Variants in PI4K2B observed in about 807,000 individuals in gnomAD.
PI4K2B encodes the protein phosphatidylinositol 4-kinase type 2-beta.
A neutral mutation model predicts 56.6 loss-of-function variants in PI4K2B; 46 were observed. The ratio of observed to expected loss-of-function variants is 0.81; its 90% CI spans 0.64 to 1.04. The LOEUF (loss-of-function observed/expected upper bound fraction) is 1.04. Among genes scored for constraint, PI4K2B ranks in the 50% least tolerant of loss-of-function variants. The pLI, the probability that PI4K2B is intolerant of heterozygous loss-of-function variation, is 0.00. For synonymous variants in PI4K2B, 211 were observed against 223.8 expected, an observed-to-expected ratio of 0.94 and a Z score of 0.51; for missense variants, 556 against 607.7, an observed-to-expected ratio of 0.91 and a Z score of 0.89.
intron 9 of PI4K2B, 122 bp from the exon 10 acceptor site, chr4:25,276,892 C>T: frequency 2.9e-6 from 4 of 1,372,208 alleles, no homozygotes; most frequent in Non-Finnish European, 3.8e-6. Context: ...CTTATCTTCA[C>T]AGTCTCTGTT....
Position 25,236,127 on chromosome 4 carries a change from A to G in PI4K2B, c.268+1696A>G, listed in dbSNP as rs186071344. ...GTATCACAGTTTACAATTTGCTAAG[A>G]TCTTTTTTAAAAAAATATTTTATTC... On this transcript the variant is annotated intron_variant, in intron 1 of 9. Coordinates refer to ENST00000264864, the MANE Select transcript of PI4K2B (RefSeq NM_018323.4). Among the ~76,000 whole-genome samples the G allele has an allele frequency of 2.9e-4, 44 of 152,106 alleles. No individual in the cohort carries two copies. In the East Asian group the frequency reaches 8.1e-3, roughly 28 times the overall value.
chr4:25,246,402 C>T (rs539716266), intron 1 of PI4K2B, among the ~76,000 whole-genome samples: 6 of 152,316 alleles, frequency 3.9e-5, no homozygotes, highest in Admixed American at 2.6e-4. Context: ...CACAAAAGTT[C>T]TCCATGTCCC....
chr4:25,242,227 G>A (rs1715555756), intron 1 of PI4K2B, among the ~76,000 whole-genome samples: 1 of 152,210 alleles, frequency 6.6e-6, no homozygotes, highest in Admixed American at 6.5e-5. Context: ...GAGATCTAGA[G>A]TAGCCTGCTG....
intron 1 of PI4K2B, among the ~76,000 whole-genome samples, chr4:25,246,970 C>G (rs1452735170): frequency 6.6e-6 from 1 of 152,252 alleles, no homozygotes; most frequent in East Asian, 1.9e-4. Context: ...GCGCCGCATG[C>G]AGCTCCAGTT....
rs61748741 is a variant in PI4K2B at position 25,259,045 on chromosome 4, C to T, written c.765C>T (p.Ser255=). 7.5e-3 allele frequency: 11,477 copies of T among 1,539,280 alleles called. 68 individuals are homozygous for T. The highest frequency in any genetic ancestry group is 8.9e-3 in the Non-Finnish European group (10,048 of 1,123,998). Residue 255 remains serine (S), a synonymous_variant, in exon 5 of 10, where the codon TCC becomes TCT. Coordinates refer to ENST00000264864, the MANE Select transcript of PI4K2B (RefSeq NM_018323.4). ...AGTTCTTAAAATTATAGATTGGTTC[C>T]TTTCAGTTATTTGTTGAAGGTTACA... ...HRIGLPPKIG[S]FQLFVEGYKE...
chr4:25,258,988 C>A, intron 4 of PI4K2B, 49 bp from the exon 5 acceptor site: 1 of 909,466 alleles, frequency 1.1e-6, no homozygotes, highest in Admixed American at 2.5e-5. Context: ...AAATATTAAT[C>A]CCCTTGTTCT....
intron 9 of PI4K2B, among the ~76,000 whole-genome samples, chr4:25,271,552 A>G (rs313533): frequency 0.085 from 12,957 of 152,258 alleles, 716 homozygotes; most frequent in South Asian, 0.19. Context: ...TAATTGAGGC[A>G]TCAATGGAAG....
intron 1 of PI4K2B, among the ~76,000 whole-genome samples, chr4:25,235,642 C>T (rs549186479): frequency 3.9e-5 from 6 of 152,334 alleles, no homozygotes; most frequent in African/African-American, 1.4e-4. Context: ...AACCAGATCA[C>T]AAACGGGTCT....
chr4:25,273,791 A>G (rs1717000197), intron 9 of PI4K2B, among the ~76,000 whole-genome samples: 1 of 152,194 alleles, frequency 6.6e-6, no homozygotes. Flanking sequence ...TAAAATTCCT[A>G]TAATTTGTCC....
At chr4:25,261,918 TA>T (rs1577692575) in intron 6 of PI4K2B, among the ~76,000 whole-genome samples, 1 of 152,104 alleles carries the variant, frequency 6.6e-6, no homozygotes, top group East Asian at 1.9e-4. Flanking sequence ...AATAAAGTTG[TA>T]AATAGGAAAG....
In PI4K2B at chr4:25,276,179, G is replaced by A. The variant is rs370339043; in HGVS notation, c.1273-835G>A. On this transcript the variant is annotated intron_variant, in intron 9 of 9. Coordinates refer to ENST00000264864, the MANE Select transcript of PI4K2B (RefSeq NM_018323.4). Reference sequence around the variant, plus strand: ...GAAAGGACATTTTTCCTAATATGCAGGGAAAAAAGAAGATGAACTGCTATA... The same window carrying A: ...GAAAGGACATTTTTCCTAATATGCAAGGAAAAAAGAAGATGAACTGCTATA... The A allele has an allele frequency of 4.6e-5, 7 of 152,616 alleles. No homozygotes were observed. In the East Asian group the frequency reaches 7.7e-4, roughly 17 times the overall value. The allele number at this position is 152,616 out of a possible 1,614,324, so 9.5% of individuals were successfully genotyped here.
At chr4:25,276,710 C>A (rs1427760290) in intron 9 of PI4K2B, 28 of 985,162 alleles carry the variant, frequency 2.8e-5, no homozygotes, top group Non-Finnish European at 3.4e-5. Flanking sequence ...TCTTCACTTA[C>A]CGTTCTTTGA....
In PI4K2B at chr4:25,234,316, C is replaced by A; in HGVS notation, c.153C>A (p.Asp51Glu). 7.1e-7 allele frequency: 1 copy of A among 1,415,004 alleles called. No individual in the cohort carries two copies. The highest frequency in any genetic ancestry group is 9.2e-7 in the Non-Finnish European group (1 of 1,081,696). 87.7% of individuals were successfully genotyped at this position (1,415,004 alleles called of 1,614,324 possible). A position where few individuals can be genotyped will look rare whatever the true frequency, so the allele number is the denominator to read the frequency against. ...GAPGSAVRLL[D>E]AAGEEGEAGD... Reference sequence around the variant, plus strand: ...CAGGCAGCGCCGTGAGGCTGCTGGACGCTGCCGGGGAGGAGGGCGAGGCCG... The same window carrying A: ...CAGGCAGCGCCGTGAGGCTGCTGGAAGCTGCCGGGGAGGAGGGCGAGGCCG... Residue 51 changes from aspartate to glutamate, a missense_variant, in exon 1 of 10, where the codon GAC becomes GAA. Physicochemically the swap from Asp to Glu is conservative, Grantham distance 45 (BLOSUM62 2). Coordinates refer to ENST00000264864, the MANE Select transcript of PI4K2B (RefSeq NM_018323.4).
In PI4K2B at chr4:25,267,860, G is replaced by A. The variant is rs544119053; in HGVS notation, c.1079-583G>A. The A allele has an allele frequency of 1.8e-5, 18 of 983,246 alleles. No individual in the cohort carries two copies. In the South Asian group the frequency reaches 5.6e-4, roughly 31 times the overall value. The allele number at this position is 983,246 out of a possible 1,614,324, so 60.9% of individuals were successfully genotyped here. ...GATTTCAAAGTTTAGAACATCTTCT[G>A]TGTACAAGTAAGTGGTCAATTTCTG... On this transcript the variant is annotated intron_variant, in intron 7 of 9. Coordinates refer to ENST00000264864, the MANE Select transcript of PI4K2B (RefSeq NM_018323.4).
chr4:25,276,784 G>A, intron 9 of PI4K2B: 2 of 984,950 alleles, frequency 2.0e-6, no homozygotes, highest in Non-Finnish European at 2.4e-6. Context: ...TCTGGCAAAA[G>A]TTATTTAATG....
intron 9 of PI4K2B, among the ~76,000 whole-genome samples, chr4:25,272,387 G>T (rs1032654443): frequency 5.3e-5 from 8 of 152,256 alleles, no homozygotes; most frequent in Middle Eastern, 6.8e-3. Context: ...ACTTGATTTT[G>T]TTTTGTTTTT....
At chr4:25,276,482 T>C (rs966335757) in intron 9 of PI4K2B, 2 of 230,916 alleles carry the variant, frequency 8.7e-6, no homozygotes, top group African/African-American at 4.7e-5. Context: ...TCATGTTTAT[T>C]GACTCTTCTC....
At chr4:25,256,193 C>T (rs1227622664) in intron 3 of PI4K2B, among the ~76,000 whole-genome samples, 1 of 152,224 alleles carries the variant, frequency 6.6e-6, no homozygotes, top group Non-Finnish European at 1.5e-5. Context: ...GTTGGGATTA[C>T]AGGCATGAGC....
chr4:25,252,318 C>A lies in PI4K2B; in HGVS notation c.269-3C>A. On this transcript the variant is annotated splice_region_variant and splice_polypyrimidine_tract_variant and intron_variant, in intron 1 of 9. Transcript: ENST00000264864. ...TCATAGCTGGTATTTCTTCTTAATG[C>A]AGTAACTATTGGTACTTCAGAGATG... The A allele has an allele frequency of 6.2e-7, 1 of 1,604,152 alleles. No homozygotes were observed. Among genetic ancestry groups the A allele is most frequent in the Non-Finnish European group, 8.5e-7 (1 of 1,171,950 alleles).
Sources: gnomAD v4.1 joint callset for allele counts (sites outside exome capture counted in the v4.1 genomes callset) on GRCh38, gnomAD v4.1.1 for gene constraint, MANE v1.5 for transcripts, NCBI Gene and HGNC (gene_info 2026-07-23, HGNC 2026-07-21) for gene names.